The following PIP4K2B variants were observed in gnomAD, a reference collection of about 807,000 sequenced individuals.
PIP4K2B encodes the protein phosphatidylinositol-5-phosphate 4-kinase type 2 beta, also known as phosphatidylinositol 5-phosphate 4-kinase type-2 beta.
PIP4K2B carries 3 observed loss-of-function variants against 42.0 expected under a neutral mutation model. The observed-to-expected ratio is 0.07, with a 90% confidence interval of 0.03 to 0.18. The LOEUF (loss-of-function observed/expected upper bound fraction) is 0.18, where lower values mean the gene tolerates loss of function less well. Among genes scored for constraint, PIP4K2B ranks in the 10% least tolerant of loss-of-function variants. The pLI, the probability that PIP4K2B is intolerant of heterozygous loss-of-function variation, is 1.00. For missense variants in PIP4K2B, 332 were observed against 562.3 expected (o/e 0.59, Z 4.14); for synonymous variants, 204 against 210.1 (o/e 0.97, Z 0.25).
intron 1 of PIP4K2B, among the ~76,000 whole-genome samples, chr17:38,791,739 T>TG (rs1320367086): frequency 6.7e-6 from 1 of 149,796 alleles, no homozygotes; most frequent in Non-Finnish European, 1.5e-5. Context: ...AATTTACTTC[T>TG]ACTCAGTGTA....
intron 4 of PIP4K2B, chr17:38,779,958 C>T (rs1567656625): frequency 5.2e-6 from 1 of 191,492 alleles, no homozygotes; most frequent in Non-Finnish European, 1.1e-5. Flanking sequence ...AGCTCCATAT[C>T]CAAAGCTCTT....
At chr17:38,798,730 G>A (rs908859630) in intron 1 of PIP4K2B, among the ~76,000 whole-genome samples, 35 of 151,946 alleles carry the variant, frequency 2.3e-4, no homozygotes, top group Admixed American at 3.3e-4. Flanking sequence ...TGTTCAAGAG[G>A]GAAAAAAAAG....
chr17:38,779,610 C>T (rs1250280656), intron 4 of PIP4K2B, 81 bp from the exon 5 acceptor site: 5 of 1,221,202 alleles, frequency 4.1e-6, no homozygotes, highest in Middle Eastern at 2.0e-4. Flanking sequence ...GACTAAAATG[C>T]TCCCTGGCTC....
chr17:38,796,051 T>C (rs534161266), intron 1 of PIP4K2B, among the ~76,000 whole-genome samples: 6 of 152,120 alleles, frequency 3.9e-5, no homozygotes, highest in South Asian at 2.1e-4. Context: ...AGCAGGAGAA[T>C]TGCTTGAACC....
intron 5 of PIP4K2B, among the ~76,000 whole-genome samples, chr17:38,778,894 G>A (rs1909522473): frequency 6.6e-6 from 1 of 152,188 alleles, no homozygotes; most frequent in Admixed American, 6.5e-5. Flanking sequence ...GAAATCCTGG[G>A]AAGAGGAGCA....
chr17:38,773,337 C>T (rs1055341592), intron 7 of PIP4K2B, among the ~76,000 whole-genome samples: 1 of 152,144 alleles, frequency 6.6e-6, no homozygotes, highest in Non-Finnish European at 1.5e-5. Context: ...ATATTCTCAA[C>T]CCATTCCCTG....
In PIP4K2B at chr17:38,799,120, G is replaced by C; in HGVS notation, c.159+146C>G. On this transcript the variant is annotated intron_variant, in intron 1 of 9. Transcript: ENST00000619039. The surrounding 1 kb of genome is among the most constrained non-coding windows in gnomAD (Gnocchi z 4.4). ...CGGGGAGTGCACACGGGGCCGAAAG[G>C]CGTGCAAGGGTGGGGTGGGCGTGCA... The C allele has an allele frequency of 1.2e-6, 1 of 808,684 alleles. No individual in the cohort carries two copies. The highest frequency in any genetic ancestry group is 1.8e-6 in the Non-Finnish European group (1 of 559,266). The allele number at this position is 808,684 out of a possible 1,614,324, so 50.1% of individuals were successfully genotyped here.
chr17:38,788,169 A>G (rs1436452084), intron 1 of PIP4K2B, among the ~76,000 whole-genome samples: 1 of 146,638 alleles, frequency 6.8e-6, no homozygotes, highest in Non-Finnish European at 1.5e-5. Context: ...CCCCAAGGTA[A>G]TAGATTAAAT....
intron 1 of PIP4K2B, among the ~76,000 whole-genome samples, chr17:38,796,416 T>C (rs1337276414): frequency 3.3e-5 from 5 of 152,168 alleles, no homozygotes; most frequent in African/African-American, 1.2e-4. Context: ...GGCCAACAAG[T>C]ATCAAGTCAG....
rs942117122 is a variant in PIP4K2B, at chr17:38,782,737, C to A, written c.354+1506G>T. Among the ~76,000 whole-genome samples, 4 of 152,170 alleles carry A rather than the reference C, an allele frequency of 2.6e-5. No individual in the cohort carries two copies. The East Asian group carries it at 7.7e-4, about 29-fold the overall frequency. On this transcript the variant is annotated intron_variant, in intron 3 of 9. Transcript: ENST00000619039. ...GAGGGGAGGAGACTCTAACCCAAGG[C>A]CCCTTCTGCTGCTGTGAACTACTCT... is the stretch of plus-strand genomic sequence containing the variant.
rs1033801700 is a variant in PIP4K2B at position 38,767,377 on chromosome 17, G to A, written c.*2314C>T. The A allele has an allele frequency of 1.7e-4, 25 of 143,976 alleles. No individual in the cohort carries two copies. The highest frequency in any genetic ancestry group is 2.5e-4 in the South Asian group (1 of 3,946). The allele number at this position is 143,976 out of a possible 1,614,324, so 8.9% of individuals were successfully genotyped here. On this transcript the variant is annotated 3_prime_UTR_variant, in exon 10 of 10. Coordinates refer to ENST00000619039, the MANE Select transcript of PIP4K2B (RefSeq NM_003559.5). ...CTCAAGGTTTTGAAGATAGCACAGC[G>A]AATGACCTTTAAAAAAAAAAATTGA...
intron 2 of PIP4K2B, among the ~76,000 whole-genome samples, chr17:38,785,564 A>C (rs1909962428): frequency 1.3e-5 from 2 of 152,156 alleles, no homozygotes. Context: ...CTGTAATCCC[A>C]GCTACTCAGG....
intron 3 of PIP4K2B, among the ~76,000 whole-genome samples, chr17:38,783,792 G>A (rs578033139): frequency 6.6e-6 from 1 of 152,162 alleles, no homozygotes; most frequent in African/African-American, 2.4e-5. Context: ...GTAGAGACAG[G>A]GTTTCACCAT....
intron 1 of PIP4K2B, among the ~76,000 whole-genome samples, chr17:38,792,262 T>A (rs1233176190): frequency 6.6e-6 from 1 of 151,992 alleles, no homozygotes; most frequent in African/African-American, 2.4e-5. Flanking sequence ...GATTCTCCCA[T>A]CTCAGCCTCC....
At chr17:38,785,342 C>G (rs1909946896) in intron 2 of PIP4K2B, among the ~76,000 whole-genome samples, 1 of 152,098 alleles carries the variant, frequency 6.6e-6, no homozygotes, top group Non-Finnish European at 1.5e-5. Flanking sequence ...CCTTATCTAC[C>G]CCGTCTTCTA....
intron 7 of PIP4K2B, among the ~76,000 whole-genome samples, chr17:38,774,940 T>TTG (rs144917475): frequency 0.069 from 10,314 of 149,564 alleles, 457 homozygotes; most frequent in Admixed American, 0.17. Context: ...TAATCAGTTT[T>TTG]TGTGTGTGTG....
At chr17:38,784,874 A>C (rs1259271676) in intron 2 of PIP4K2B, among the ~76,000 whole-genome samples, 1 of 152,180 alleles carries the variant, frequency 6.6e-6, no homozygotes, top group Non-Finnish European at 1.5e-5. Flanking sequence ...TGCTTACTAC[A>C]GTGGGAACCT....
intron 3 of PIP4K2B, among the ~76,000 whole-genome samples, chr17:38,782,961 G>A (rs1909789611): frequency 6.6e-6 from 1 of 152,026 alleles, no homozygotes; most frequent in Non-Finnish European, 1.5e-5. Flanking sequence ...GCCGAGGCAG[G>A]CAGATCACAA....
intron 1 of PIP4K2B, among the ~76,000 whole-genome samples, chr17:38,788,776 C>T (rs969311208): frequency 1.3e-5 from 2 of 151,962 alleles, no homozygotes; most frequent in Admixed American, 1.3e-4. Flanking sequence ...TATGGTGAAA[C>T]CCTATCTCTA....
Sources: gnomAD v4.1 joint callset for allele counts (sites outside exome capture counted in the v4.1 genomes callset) on GRCh38, gnomAD v4.1.1 for gene constraint, Gnocchi (gnomAD v3.1) non-coding constraint, MANE v1.5 for transcripts, NCBI Gene and HGNC (gene_info 2026-07-23, HGNC 2026-07-21) for gene names.